Variants in KCNN2 observed in about 807,000 individuals in gnomAD.
KCNN2 encodes the protein small conductance calcium-activated potassium channel protein 2.
Under a neutral mutation model 55.5 loss-of-function variants are expected in KCNN2, and 24 were observed. The observed-to-expected ratio is 0.43, with a 90% CI of 0.31 to 0.61. The LOEUF is 0.61. Among genes scored for constraint, KCNN2 ranks in the 20% least tolerant of loss-of-function variants. KCNN2 has a pLI of 0.08. For synonymous variants in KCNN2, 431 were observed against 336.1 expected, an observed-to-expected ratio of 1.28 and a Z score of -3.09; for missense variants, 754 against 853.6, an observed-to-expected ratio of 0.88 and a Z score of 1.45.
upstream of KCNN2, among the ~76,000 whole-genome samples, chr5:114,359,264 A>C (rs1203387931): frequency 6.6e-6 from 1 of 152,264 alleles, no homozygotes; most frequent in South Asian, 2.1e-4. Context: ...TGTGAATCAA[A>C]TTTCCATTTT....
chr5:114,204,030 C>G (rs1753723760), intron 1 of KCNN2, among the ~76,000 whole-genome samples: 1 of 152,152 alleles, frequency 6.6e-6, no homozygotes, highest in South Asian at 2.1e-4. Context: ...TACCAAACTA[C>G]TTTAGAAAGT....
chr5:114,265,269 C>A, intron 2 of KCNN2, among the ~76,000 whole-genome samples: 1 of 151,532 alleles, frequency 6.6e-6, no homozygotes, highest in Admixed American at 6.6e-5. Flanking sequence ...TAAAATTAAC[C>A]AATTTTATAC....
intron 1 of KCNN2, among the ~76,000 whole-genome samples, chr5:114,162,982 C>G (rs1752822290): frequency 1.3e-5 from 2 of 152,162 alleles, no homozygotes; most frequent in Admixed American, 1.3e-4. Context: ...TGCTTCGGCT[C>G]ATGCACGGTG....
At chr5:114,073,517 G>A (rs1184070616) in intron 1 of KCNN2, among the ~76,000 whole-genome samples, 1 of 152,136 alleles carries the variant, frequency 6.6e-6, no homozygotes, top group Non-Finnish European at 1.5e-5. Context: ...GAATTCAAAA[G>A]AGTCATATCA....
At chr5:114,295,804 G>T (rs1378035011) in intron 2 of KCNN2, among the ~76,000 whole-genome samples, 1 of 152,144 alleles carries the variant, frequency 6.6e-6, no homozygotes, top group African/African-American at 2.4e-5. Flanking sequence ...CTCACACTGG[G>T]AGCTGTAGAC....
intron 2 of KCNN2, among the ~76,000 whole-genome samples, chr5:114,388,325 T>C (rs1758348299): frequency 6.6e-6 from 1 of 152,208 alleles, no homozygotes. Context: ...ATGCAATTTA[T>C]ATCCCATCTT....
At chr5:114,363,821 G>C in intron 1 of KCNN2, 85 bp from the exon 2 acceptor site, 1 of 913,796 alleles carries the variant, frequency 1.1e-6, no homozygotes, top group Non-Finnish European at 1.8e-6. Flanking sequence ...AGGTCCACCT[G>C]TGGGGGACTG....
At chr5:114,490,691 A>T in intron 6 of KCNN2, 2 of 398,138 alleles carry the variant, frequency 5.0e-6, no homozygotes, top group Non-Finnish European at 8.9e-6. Flanking sequence ...ATGAAAATAG[A>T]GCTCGGAAGT....
intron 2 of KCNN2, among the ~76,000 whole-genome samples, chr5:114,319,909 T>A (rs1382384179): frequency 1.3e-5 from 2 of 152,202 alleles, no homozygotes; most frequent in South Asian, 2.1e-4. Flanking sequence ...TCTTCCTGGT[T>A]GTTAGTCAAA....
At chr5:114,069,595 A>G (rs1281598736) in intron 1 of KCNN2, among the ~76,000 whole-genome samples, 3 of 152,116 alleles carry the variant, frequency 2.0e-5, no homozygotes, top group African/African-American at 2.4e-5. Flanking sequence ...GGCCACATCT[A>G]TCACCAGCAA....
At chr5:114,306,656 TA>T (rs1208293138) in intron 2 of KCNN2, among the ~76,000 whole-genome samples, 4 of 151,944 alleles carry the variant, frequency 2.6e-5, no homozygotes, top group African/African-American at 9.7e-5. Flanking sequence ...GAAGTACCTT[TA>T]CTACCCACCT....
intron 2 of KCNN2, among the ~76,000 whole-genome samples, chr5:114,318,926 G>C (rs1327947946): frequency 6.6e-6 from 1 of 152,056 alleles, no homozygotes; most frequent in East Asian, 1.9e-4. Flanking sequence ...AAAGACATTG[G>C]AGAGTGGTGA....
chr5:114,163,604 C>T (rs1046389940), intron 1 of KCNN2, among the ~76,000 whole-genome samples: 1 of 152,144 alleles, frequency 6.6e-6, no homozygotes, highest in African/African-American at 2.4e-5. Context: ...TGTATGGACT[C>T]TGATGTCTAC....
intron 2 of KCNN2, among the ~76,000 whole-genome samples, chr5:114,258,637 G>T (rs182982278): frequency 6.6e-6 from 1 of 152,054 alleles, no homozygotes; most frequent in Admixed American, 6.6e-5. Context: ...ATACAGATGC[G>T]CATACTATTG....
At chr5:114,086,311 A>G (rs192379188) in intron 1 of KCNN2, among the ~76,000 whole-genome samples, 1 of 151,884 alleles carries the variant, frequency 6.6e-6, no homozygotes, top group Non-Finnish European at 1.5e-5. Context: ...ATTTGGGGGT[A>G]TATGTGCAGG....
chr5:114,486,656 A>G (rs1278671508), intron 5 of KCNN2: 1 of 998,286 alleles, frequency 1.0e-6, no homozygotes, highest in South Asian at 1.4e-5. Flanking sequence ...CTTGCAAAGG[A>G]CAAGATTAAC....
chr5:114,148,156 AT>A (rs1752443148), intron 1 of KCNN2, among the ~76,000 whole-genome samples: 1 of 152,096 alleles, frequency 6.6e-6, no homozygotes, highest in South Asian at 2.1e-4. Context: ...GTGAGAGCAA[AT>A]TTTTCACAGT....
intron 1 of KCNN2, among the ~76,000 whole-genome samples, chr5:114,109,023 A>G (rs755926592): frequency 1.4e-4 from 21 of 151,960 alleles, no homozygotes; most frequent in Non-Finnish European, 2.8e-4. Context: ...ATTCTCACCA[A>G]TTTGGTGTTG....
In KCNN2 at chr5:114,443,313, GA is replaced by G. The variant is rs998668927; in HGVS notation, c.1638-19724del. ...CAAAAAAAAAGAAACAAAGAAAAAA[GA>G]AAAAAAAAAAAGAGGCTTAAGAACA... On this transcript the variant is annotated intron_variant, in intron 3 of 7. Coordinates refer to ENST00000673685, the MANE Select transcript of KCNN2 (RefSeq NM_021614.4). 1.8e-3 allele frequency among the ~76,000 whole-genome samples: 241 copies of G among 131,238 alleles called. 1 individual carries two copies. The highest frequency in any genetic ancestry group is 3.9e-3 in the Middle Eastern group (1 of 258). 86.1% of individuals were successfully genotyped at this position (131,238 alleles called of 152,430 possible).
Sources: gnomAD v4.1 joint callset for allele counts (sites outside exome capture counted in the v4.1 genomes callset) on GRCh38, gnomAD v4.1.1 for gene constraint, MANE v1.5 for transcripts, NCBI Gene and HGNC (gene_info 2026-07-23, HGNC 2026-07-21) for gene names.